WDR70: variants seen among roughly 807,000 people sequenced by gnomAD.
WDR70 encodes WD repeat-containing protein 70.
Under a neutral mutation model 88.6 loss-of-function variants are expected in WDR70, and 53 were observed. The ratio of observed to expected loss-of-function variants is 0.60; its 90% CI spans 0.48 to 0.75. The LOEUF (loss-of-function observed/expected upper bound fraction) is 0.75, where lower values mean the gene tolerates loss of function less well. Ranked by LOEUF, WDR70 falls within the 30% of genes least tolerant of loss-of-function variation. The probability of loss-of-function intolerance (pLI) is 0.00; values close to 1 mark genes in which losing one functional copy is unlikely to be tolerated. For missense variants in WDR70, 610 were observed against 823.2 expected (o/e 0.74, Z 3.17); for synonymous variants, 280 against 270.0 (o/e 1.04, Z -0.36).
rs886612229 is a variant in WDR70, at chr5:37,544,473, C to T, written c.917+27883C>T. On this transcript the variant is annotated intron_variant, in intron 9 of 17. Coordinates refer to ENST00000265107, the MANE Select transcript of WDR70 (RefSeq NM_018034.4). Reference sequence around the variant, plus strand: ...ACTAGTAAATGCTTTTGATGATAGGCTTCAGTAAATTATAAATATTTTAAA... The same window carrying T: ...ACTAGTAAATGCTTTTGATGATAGGTTTCAGTAAATTATAAATATTTTAAA... Among the ~76,000 whole-genome samples, 16 of 152,098 alleles carry T rather than the reference C, an allele frequency of 1.1e-4. 2 individuals carry two copies. The highest frequency in any genetic ancestry group is 1.5e-5 in the Non-Finnish European group (1 of 68,024).
chr5:37,384,533 G>A (rs532060269), intron 3 of WDR70, among the ~76,000 whole-genome samples: 119 of 151,582 alleles, frequency 7.9e-4, no homozygotes, highest in African/African-American at 2.2e-3. Flanking sequence ...GGTGGCGGGC[G>A]CCTGTAGTCC....
At chr5:37,381,337 T>G (rs1748417236) in intron 2 of WDR70, among the ~76,000 whole-genome samples, 3 of 152,190 alleles carry the variant, frequency 2.0e-5, no homozygotes. Context: ...ATTCTCCATT[T>G]TGCCTCCCCA....
At chr5:37,726,120 A>C (rs943622966) in intron 16 of WDR70, among the ~76,000 whole-genome samples, 2 of 152,116 alleles carry the variant, frequency 1.3e-5, no homozygotes, top group Non-Finnish European at 1.5e-5. Context: ...CATCTCTTTC[A>C]TAAAGACCTG....
At chr5:37,726,546 A>G (rs1323580603) in intron 16 of WDR70, among the ~76,000 whole-genome samples, 1 of 152,132 alleles carries the variant, frequency 6.6e-6, no homozygotes, top group Non-Finnish European at 1.5e-5. Context: ...TCTAATGAAT[A>G]TTGTTTATTT....
intron 9 of WDR70, among the ~76,000 whole-genome samples, chr5:37,568,709 G>A (rs1379060504): frequency 6.6e-6 from 1 of 152,156 alleles, no homozygotes; most frequent in Non-Finnish European, 1.5e-5. Context: ...TGTAGGGTCA[G>A]GTAGGTACTA....
intron 6 of WDR70, among the ~76,000 whole-genome samples, chr5:37,438,537 TA>T (rs1750552536): frequency 6.6e-6 from 1 of 152,142 alleles, no homozygotes. Context: ...CATTGTATCT[TA>T]TTGCAAAGCC....
At chr5:37,566,636 A>G (rs1234301309) in intron 9 of WDR70, among the ~76,000 whole-genome samples, 1 of 152,168 alleles carries the variant, frequency 6.6e-6, no homozygotes, top group African/African-American at 2.4e-5. Flanking sequence ...CATTTTACAG[A>G]TCATGCTTAT....
intron 9 of WDR70, among the ~76,000 whole-genome samples, chr5:37,566,922 A>G (rs899221540): frequency 2.6e-5 from 4 of 152,268 alleles, no homozygotes; most frequent in South Asian, 2.1e-4. Context: ...GTGTTATTAG[A>G]TTTCTGGGAG....
chr5:37,666,423 T>A (rs760610480), intron 10 of WDR70, among the ~76,000 whole-genome samples: 2 of 152,240 alleles, frequency 1.3e-5, no homozygotes, highest in Non-Finnish European at 2.9e-5. Flanking sequence ...CTTTAGGGAC[T>A]CTTGGTGTGA....
intron 5 of WDR70, among the ~76,000 whole-genome samples, chr5:37,420,720 T>C (rs924306509): frequency 2.6e-5 from 4 of 152,074 alleles, no homozygotes; most frequent in Admixed American, 6.6e-5. Context: ...GAGACCAGCC[T>C]GGCCAACATG....
intron 10 of WDR70, among the ~76,000 whole-genome samples, chr5:37,693,076 A>G (rs1746859219): frequency 7.5e-6 from 1 of 132,452 alleles, no homozygotes; most frequent in Non-Finnish European, 1.5e-5. Context: ...CCAATAACAG[A>G]CAAACAGCCA....
intron 8 of WDR70, among the ~76,000 whole-genome samples, chr5:37,483,981 C>T (rs1739767556): frequency 6.6e-6 from 1 of 151,618 alleles, no homozygotes; most frequent in South Asian, 2.1e-4. Context: ...AGGCGCTCCC[C>T]ACATCTCAGA....
At chr5:37,693,034 C>T (rs890815107) in intron 10 of WDR70, among the ~76,000 whole-genome samples, 3 of 152,058 alleles carry the variant, frequency 2.0e-5, no homozygotes, top group Non-Finnish European at 4.4e-5. Context: ...GATACAAAAT[C>T]CATGTGAAAA....
intron 7 of WDR70, among the ~76,000 whole-genome samples, chr5:37,447,902 G>A (rs1174718406): frequency 2.0e-5 from 3 of 152,048 alleles, no homozygotes; most frequent in Admixed American, 6.5e-5. Context: ...AAACCTGCAC[G>A]TTGTGCACAT....
chr5:37,701,290 G>T, intron 12 of WDR70, 148 bp downstream of exon 12: 1 of 554,354 alleles, frequency 1.8e-6, no homozygotes, highest in Non-Finnish European at 3.1e-6. Context: ...TGAAAAATAT[G>T]TATTTTTTTT....
chr5:37,663,855 A>G (rs1745767401), intron 10 of WDR70, among the ~76,000 whole-genome samples: 1 of 152,102 alleles, frequency 6.6e-6, no homozygotes, highest in Non-Finnish European at 1.5e-5. Context: ...CCCTAATTCT[A>G]TCAGTTACTC....
At chr5:37,670,773 C>T (rs1046011445) in intron 10 of WDR70, among the ~76,000 whole-genome samples, 4 of 152,162 alleles carry the variant, frequency 2.6e-5, no homozygotes, top group African/African-American at 9.7e-5. Flanking sequence ...GTCACAAAAT[C>T]TATTAGAGAT....
At chr5:37,491,668 A>C (rs1172422346) in intron 8 of WDR70, among the ~76,000 whole-genome samples, 1 of 152,202 alleles carries the variant, frequency 6.6e-6, no homozygotes, top group Non-Finnish European at 1.5e-5. Flanking sequence ...TATTCCAAAA[A>C]AATGGCACTT....
chr5:37,547,001 G>A (rs1742020136), intron 9 of WDR70, among the ~76,000 whole-genome samples: 1 of 152,170 alleles, frequency 6.6e-6, no homozygotes, highest in African/African-American at 2.4e-5. Flanking sequence ...CTTGTTTACA[G>A]GTTTCCCTAT....
Sources: gnomAD v4.1 joint callset for allele counts (sites outside exome capture counted in the v4.1 genomes callset) on GRCh38, gnomAD v4.1.1 for gene constraint, MANE v1.5 for transcripts, NCBI Gene and HGNC (gene_info 2026-07-23, HGNC 2026-07-21) for gene names.